KCNMB3: variants seen among roughly 807,000 people sequenced by gnomAD.
The protein encoded by KCNMB3 is potassium calcium-activated channel subfamily M regulatory beta subunit 3.
A neutral mutation model predicts 11.9 loss-of-function variants in KCNMB3; 18 were observed. That is an observed-to-expected ratio of 1.51 (90% CI 1.04 to 2.23). KCNMB3 has a LOEUF of 2.23. Ranked by LOEUF, KCNMB3 falls within the 30% of genes most tolerant of loss-of-function variation. The probability of loss-of-function intolerance (pLI) is 0.00; values close to 1 mark genes in which losing one functional copy is unlikely to be tolerated. For synonymous variants in KCNMB3, 78 were observed against 119.2 expected (o/e 0.65, Z 2.25); for missense variants, 247 against 329.4 (o/e 0.75, Z 1.94).
At chr3:179,261,786 C>A (rs1288473309) in intron 1 of KCNMB3, among the ~76,000 whole-genome samples, 1 of 151,576 alleles carries the variant, frequency 6.6e-6, no homozygotes, top group African/African-American at 2.4e-5. Flanking sequence ...CTGAAGTTTT[C>A]AACTTACAGT....
upstream of KCNMB3, chr3:179,251,461 G>C (rs1035982164): frequency 3.6e-6 from 5 of 1,404,596 alleles, no homozygotes; most frequent in African/African-American, 1.4e-5. Context: ...TCAGAATTAT[G>C]AAGTTGTCAT....
Position 179,250,960 on chromosome 3 carries a change from C to G in KCNMB3, c.31G>C (p.Val11Leu). 2.5e-6 allele frequency: 4 copies of G among 1,614,152 alleles called. No homozygotes were observed. Among genetic ancestry groups the G allele is most frequent in the Non-Finnish European group, 3.4e-6 (4 of 1,180,034 alleles). Residue 11 changes from valine to leucine, a missense_variant, in exon 1 of 3, where the codon GTA (valine) becomes CTA (leucine). By Grantham distance (32) the Val-to-Leu change is conservative. Transcript: ENST00000392685. Reference protein sequence around the residue: MFPLLYELTAVSPSPFPQRTA... With the variant: MFPLLYELTALSPSPFPQRTA... Reference sequence around the variant, plus strand: ...CTTTGGGGAAAGGGAGAAGGAGATACTGCAGTGAGCTCATAAAGAAGGGGG... The same window carrying G: ...CTTTGGGGAAAGGGAGAAGGAGATAGTGCAGTGAGCTCATAAAGAAGGGGG...
chr3:179,241,535 T>C (rs181827975), downstream of KCNMB3: 9 of 154,054 alleles, frequency 5.8e-5, no homozygotes, highest in Admixed American at 3.3e-4. Flanking sequence ...TACATCTACA[T>C]ACAAAAGTAG....
chr3:179,251,670 G>T, upstream of KCNMB3: 1 of 1,231,810 alleles, frequency 8.1e-7, no homozygotes, highest in Non-Finnish European at 1.0e-6. Flanking sequence ...GGTGGGCATG[G>T]CGGCATCCAG....
chr3:179,254,494 C>T (rs956557201), upstream of KCNMB3, among the ~76,000 whole-genome samples: 1 of 152,150 alleles, frequency 6.6e-6, no homozygotes, highest in Non-Finnish European at 1.5e-5. Flanking sequence ...TCTGTAGGCA[C>T]ACACATTTAA....
rs1170030290 is a variant in KCNMB3, at chr3:179,250,996, A to G, written c.-6T>C. The stretch of plus-strand genomic sequence containing the variant: ...TCATAAAGAAGGGGGAACATTTCCA[A>G]TCCATGGGGACTGGAGGGATAATCT... On this transcript the variant is annotated 5_prime_UTR_variant, in exon 1 of 3. Coordinates refer to ENST00000392685, the MANE Select transcript of KCNMB3 (RefSeq NM_171830.2). The G allele has an allele frequency of 2.5e-6, 4 of 1,614,170 alleles. No individual in the cohort carries two copies. The highest frequency in any genetic ancestry group is 3.3e-5 in the Admixed American group (2 of 60,016).
intron 1 of KCNMB3, chr3:179,259,743 T>C (rs1726142433): frequency 1.3e-6 from 2 of 1,597,854 alleles, no homozygotes; most frequent in African/African-American, 2.7e-5. Context: ...GTTCTTTCTC[T>C]TCTGCAATGA....
intron 2 of KCNMB3, among the ~76,000 whole-genome samples, chr3:179,243,801 G>A (rs549252215): frequency 6.6e-6 from 1 of 152,168 alleles, no homozygotes; most frequent in African/African-American, 2.4e-5. Context: ...GTGGAGAAGG[G>A]AGCTCTGTCA....
intron 1 of KCNMB3, chr3:179,261,139 C>A: frequency 7.5e-7 from 1 of 1,335,876 alleles, no homozygotes; most frequent in East Asian, 2.4e-5. Flanking sequence ...GCTGCCGCTC[C>A]AGCTCCTTCA....
At chr3:179,247,917 G>A (rs1170599851) in intron 1 of KCNMB3, among the ~76,000 whole-genome samples, 1 of 151,480 alleles carries the variant, frequency 6.6e-6, no homozygotes, top group Non-Finnish European at 1.5e-5. Context: ...CTCCCCCTGG[G>A]CCTCCTGTTG....
At chr3:179,258,846 A>C (rs1726106812) in intron 1 of KCNMB3, 1 of 1,516,890 alleles carries the variant, frequency 6.6e-7, no homozygotes, top group African/African-American at 1.4e-5. Flanking sequence ...AACCTCAATG[A>C]TTACATGGAA....
At position 179,244,582 on chromosome 3, in the gene KCNMB3, C is replaced by T. The variant is rs139532669; in HGVS notation, c.360G>A (p.Pro120=). ...GVHCHGQGKY[P]CLQVFVNLSH... The stretch of plus-strand genomic sequence containing the variant: ...TGAGGTTCACAAACACCTGAAGACA[C>T]GGGTACTTCCCCTGACCGTGGCAGT... The change falls in exon 2 of 3, where the codon CCG becomes CCA. Residue 120 remains proline, a synonymous_variant. Transcript: ENST00000392685. 12,119 of 1,614,090 alleles carry T rather than the reference C, an allele frequency of 7.5e-3. 61 individuals are homozygous for T. The highest frequency in any genetic ancestry group is 8.6e-3 in the Non-Finnish European group (10,132 of 1,179,984).
At chr3:179,255,068 G>A (rs1179736787), upstream of KCNMB3, among the ~76,000 whole-genome samples, 1 of 152,038 alleles carries the variant, frequency 6.6e-6, no homozygotes, top group African/African-American at 2.4e-5. Flanking sequence ...GGGAGGCTGA[G>A]GTGGGACAAT....
chr3:179,244,654 T>C lies in KCNMB3; in HGVS notation c.288A>G (p.Thr96=). 1 of 1,614,084 alleles carries C rather than the reference T, an allele frequency of 6.2e-7. No homozygotes were observed. The highest frequency in any genetic ancestry group is 8.5e-7 in the Non-Finnish European group (1 of 1,179,980). The change falls in exon 2 of 3, where the codon ACA becomes ACG. Residue 96 remains threonine (T), a synonymous_variant. Coordinates refer to ENST00000392685, the MANE Select transcript of KCNMB3 (RefSeq NM_171830.2). ...AGTCCAGCCAGTCGTCCATGATATC[T>C]GTGTGGATGGCAGTGCAGGTCGATT... is the stretch of plus-strand genomic sequence containing the variant. ...REESTCTAIH[T]DIMDDWLDCA...
At chr3:179,251,697 G>A, upstream of KCNMB3, 1 of 1,191,854 alleles carries the variant, frequency 8.4e-7, no homozygotes, top group East Asian at 3.2e-5. Context: ...GATGTGTTTT[G>A]TTTGGCCTTC....
chr3:179,265,433 G>C (rs1726346259), intron 1 of KCNMB3, among the ~76,000 whole-genome samples: 1 of 152,138 alleles, frequency 6.6e-6, no homozygotes, highest in African/African-American at 2.4e-5. Flanking sequence ...GAGTGAACCT[G>C]GTTCTGAAAT....
chr3:179,266,996 G>T, upstream of KCNMB3: 1 of 890,370 alleles, frequency 1.1e-6, no homozygotes. Flanking sequence ...CTCTCTCTTT[G>T]CACTGTGCTT....
At chr3:179,251,586 G>T, upstream of KCNMB3, 1 of 1,287,242 alleles carries the variant, frequency 7.8e-7, no homozygotes, top group Non-Finnish European at 9.8e-7. Flanking sequence ...ACCTGCTCCA[G>T]CAAAGGATGA....
chr3:179,265,369 T>C (rs984122695), intron 1 of KCNMB3, among the ~76,000 whole-genome samples: 1 of 152,190 alleles, frequency 6.6e-6, no homozygotes, highest in African/African-American at 2.4e-5. Flanking sequence ...TTTCCAATTC[T>C]CAGCTCCCAA....
Sources: gnomAD v4.1 joint callset for allele counts (sites outside exome capture counted in the v4.1 genomes callset) on GRCh38, gnomAD v4.1.1 for gene constraint, MANE v1.5 for transcripts, NCBI Gene and HGNC (gene_info 2026-07-23, HGNC 2026-07-21) for gene names.